Variants in HHIP observed in about 807,000 individuals in gnomAD.
HHIP encodes hedgehog-interacting protein.
HHIP carries 12 observed loss-of-function variants against 74.0 expected under a neutral mutation model. The ratio of observed to expected loss-of-function variants is 0.16; its 90% CI spans 0.10 to 0.26. The LOEUF (loss-of-function observed/expected upper bound fraction) is 0.26, where lower values mean the gene tolerates loss of function less well. Among genes scored for constraint, HHIP ranks in the 10% least tolerant of loss-of-function variants. The pLI is 1.00. For synonymous variants in HHIP, 309 were observed against 311.6 expected (o/e 0.99, Z 0.09); for missense variants, 788 against 845.0 (o/e 0.93, Z 0.84).
chr4:144,736,887 A>C (rs1211688222), intron 12 of HHIP, among the ~76,000 whole-genome samples: 1 of 152,160 alleles, frequency 6.6e-6, no homozygotes, highest in East Asian at 1.9e-4. Flanking sequence ...CCATGTGTCA[A>C]CCACAGACAC....
At chr4:144,684,795 C>T (rs1729442977) in intron 4 of HHIP, among the ~76,000 whole-genome samples, 1 of 152,042 alleles carries the variant, frequency 6.6e-6, no homozygotes, top group Non-Finnish European at 1.5e-5. Flanking sequence ...AAGAAAGTGG[C>T]ATTGTTGCTT....
At chr4:144,716,739 C>T (rs1178219568) in intron 10 of HHIP, among the ~76,000 whole-genome samples, 1 of 151,234 alleles carries the variant, frequency 6.6e-6, no homozygotes, top group East Asian at 1.9e-4. Context: ...ATCACAGTTA[C>T]TTGGGAGGCT....
intron 4 of HHIP, among the ~76,000 whole-genome samples, chr4:144,665,058 T>G (rs1045189903): frequency 1.3e-5 from 2 of 152,134 alleles, no homozygotes; most frequent in African/African-American, 4.8e-5. Flanking sequence ...ATAAAGATGT[T>G]TTTATTTTTT....
At chr4:144,684,709 A>C (rs531885724) in intron 4 of HHIP, among the ~76,000 whole-genome samples, 1 of 152,270 alleles carries the variant, frequency 6.6e-6, no homozygotes, top group Admixed American at 6.5e-5. Context: ...TATGGTTTAT[A>C]TTTCCTAGGG....
At position 144,662,908 on chromosome 4, in the gene HHIP, A is replaced by C. The variant is rs1251795780; in HGVS notation, c.831+3070A>C. On this transcript the variant is annotated intron_variant, in intron 4 of 12. Transcript: ENST00000296575. ...GCTAGAACCAGCTTTGTCTATCTAA[A>C]GTCCTTGGCAATGATAGACTAATGC... 4.6e-5 allele frequency among the ~76,000 whole-genome samples: 7 copies of C among 152,146 alleles called. No individual in the cohort carries two copies. The East Asian group carries it at 1.3e-3, about 29-fold the overall frequency.
chr4:144,720,402 T>A (rs1417249490), intron 11 of HHIP, among the ~76,000 whole-genome samples: 1 of 152,200 alleles, frequency 6.6e-6, no homozygotes, highest in Non-Finnish European at 1.5e-5. Context: ...TCAGTCTATG[T>A]GTTTTTGCAA....
chr4:144,659,203 A>T (rs1371540963), intron 3 of HHIP, among the ~76,000 whole-genome samples: 1 of 152,182 alleles, frequency 6.6e-6, no homozygotes, highest in Non-Finnish European at 1.5e-5. Flanking sequence ...TTAAGCCTGA[A>T]TTTTATGATT....
chr4:144,722,877 T>C (rs1209863558), intron 11 of HHIP, among the ~76,000 whole-genome samples: 1 of 151,920 alleles, frequency 6.6e-6, no homozygotes, highest in Non-Finnish European at 1.5e-5. Flanking sequence ...GAACTCTCAA[T>C]ACATAGTTTT....
intron 11 of HHIP, among the ~76,000 whole-genome samples, chr4:144,727,551 G>C (rs1030147771): frequency 3.3e-5 from 5 of 152,124 alleles, no homozygotes; most frequent in Non-Finnish European, 5.9e-5. Flanking sequence ...AGTTTCTAAA[G>C]CTAGGATATT....
chr4:144,646,597 C>A lies in HHIP; in HGVS notation c.-79C>A. 1 of 1,458,866 alleles carries A rather than the reference C, an allele frequency of 6.9e-7. No homozygotes were observed. The highest frequency in any genetic ancestry group is 9.3e-7 in the Non-Finnish European group (1 of 1,072,404). The allele number at this position is 1,458,866 out of a possible 1,614,324, so 90.4% of individuals were successfully genotyped here. ...ACAGCCCCGCAAACTCCTCCTGGAG[C>A]TGCGCCCTAGTGCCCCTGCTGGGCA... On this transcript the variant is annotated 5_prime_UTR_variant, in exon 1 of 13. The change creates a new upstream start codon in the 5' untranslated region. Coordinates refer to ENST00000296575, the MANE Select transcript of HHIP (RefSeq NM_022475.3).
At chr4:144,661,983 T>A (rs1728727404) in intron 4 of HHIP, among the ~76,000 whole-genome samples, 1 of 152,110 alleles carries the variant, frequency 6.6e-6, no homozygotes, top group Admixed American at 6.6e-5. Flanking sequence ...AAACCCAACC[T>A]CCACACGTTT....
At chr4:144,657,637 A>G (rs1012377504) in intron 2 of HHIP, among the ~76,000 whole-genome samples, 4 of 152,098 alleles carry the variant, frequency 2.6e-5, no homozygotes, top group African/African-American at 7.2e-5. Flanking sequence ...TTTTTGCCAT[A>G]AAGTTATTTC....
chr4:144,692,818 C>A (rs189738206), intron 4 of HHIP, among the ~76,000 whole-genome samples: 2 of 152,032 alleles, frequency 1.3e-5, no homozygotes, highest in African/African-American at 4.8e-5. Context: ...GTAGGAAATG[C>A]GTGTATTTTG....
chr4:144,703,768 G>T (rs563576308), intron 4 of HHIP, among the ~76,000 whole-genome samples: 1 of 152,142 alleles, frequency 6.6e-6, no homozygotes, highest in Non-Finnish European at 1.5e-5. Flanking sequence ...GGGCTAGGAC[G>T]GTGTCCTGGT....
chr4:144,678,928 G>C lies in HHIP; in HGVS notation c.831+19090G>C, dbSNP rs138169526. On this transcript the variant is annotated intron_variant, in intron 4 of 12. Transcript: ENST00000296575. ...GATTGCTGGGTCAAATGGTATTTCC[G>C]GTTCTAGATCCTTGGGGAATCCCCA... 8.2e-3 allele frequency among the ~76,000 whole-genome samples: 1,245 copies of C among 152,134 alleles called. 9 individuals are homozygous for C. Among genetic ancestry groups the C allele is most frequent in the South Asian group, 0.018 (85 of 4,820 alleles).
At chr4:144,696,593 T>C (rs1395918629) in intron 4 of HHIP, among the ~76,000 whole-genome samples, 2 of 151,872 alleles carry the variant, frequency 1.3e-5, no homozygotes, top group Non-Finnish European at 2.9e-5. Flanking sequence ...AAGTACTTGG[T>C]AGGGCACTGT....
At chr4:144,675,260 T>C (rs1052944953) in intron 4 of HHIP, among the ~76,000 whole-genome samples, 6 of 152,178 alleles carry the variant, frequency 3.9e-5, no homozygotes, top group African/African-American at 1.4e-4. Context: ...GAACTTACTA[T>C]GTGACTTGAA....
intron 11 of HHIP, among the ~76,000 whole-genome samples, chr4:144,724,038 A>G (rs536468027): frequency 9.2e-5 from 14 of 152,298 alleles, no homozygotes; most frequent in African/African-American, 2.9e-4. Flanking sequence ...GCCATATAGC[A>G]TCTGAAATTT....
chr4:144,659,945 C>A, intron 4 of HHIP, 107 bp downstream of exon 4: 1 of 831,504 alleles, frequency 1.2e-6, no homozygotes, highest in South Asian at 1.7e-5. Flanking sequence ...AAGAATCTTG[C>A]AGGAGAAAAT....
Sources: allele counts gnomAD v4.1 joint callset (sites outside exome capture counted in the v4.1 genomes callset), GRCh38; gene constraint gnomAD v4.1.1; transcripts MANE v1.5; gene names NCBI Gene and HGNC (gene_info 2026-07-23, HGNC 2026-07-21).